The following PRKG1 variants were observed in gnomAD, a reference collection of about 807,000 sequenced individuals.
The protein encoded by PRKG1 is protein kinase cGMP-dependent 1.
A neutral mutation model predicts 88.1 loss-of-function variants in PRKG1; 35 were observed. That is an observed-to-expected ratio of 0.40 (90% CI 0.30 to 0.53). The LOEUF is 0.53. Ranked by LOEUF, PRKG1 falls within the 20% of genes least tolerant of loss-of-function variation. The pLI is 0.59. For synonymous variants in PRKG1, 303 were observed against 292.5 expected (o/e 1.04, Z -0.37); for missense variants, 540 against 839.8 (o/e 0.64, Z 4.41).
intron 5 of PRKG1, among the ~76,000 whole-genome samples, chr10:51,917,363 A>G (rs1236126141): frequency 6.6e-6 from 1 of 152,000 alleles, no homozygotes; most frequent in Non-Finnish European, 1.5e-5. Flanking sequence ...TTAGGGTGAT[A>G]AAAACATTCT....
chr10:51,806,710 A>G (rs1839316672), intron 4 of PRKG1, among the ~76,000 whole-genome samples: 2 of 152,120 alleles, frequency 1.3e-5, no homozygotes, highest in South Asian at 4.1e-4. Flanking sequence ...TAACTTTTTC[A>G]GTGGAGCACA....
intron 3 of PRKG1, among the ~76,000 whole-genome samples, chr10:51,551,150 G>A (rs1837119812): frequency 6.6e-6 from 1 of 151,742 alleles, no homozygotes; most frequent in Non-Finnish European, 1.5e-5. Flanking sequence ...CACATAATGG[G>A]TATTTAACTT....
chr10:51,625,425 T>C (rs535971926), intron 3 of PRKG1, among the ~76,000 whole-genome samples: 11 of 152,092 alleles, frequency 7.2e-5, no homozygotes, highest in Non-Finnish European at 1.3e-4. Flanking sequence ...TGCAGTGAGC[T>C]GAGACTGTGC....
At chr10:51,575,851 G>A (rs1837872418) in intron 3 of PRKG1, among the ~76,000 whole-genome samples, 1 of 151,790 alleles carries the variant, frequency 6.6e-6, no homozygotes, top group Middle Eastern at 3.4e-3. Flanking sequence ...AAAATAGATA[G>A]GTTGAAATTT....
chr10:52,183,596 G>A (rs1839103660), intron 9 of PRKG1, among the ~76,000 whole-genome samples: 1 of 152,168 alleles, frequency 6.6e-6, no homozygotes, highest in Admixed American at 6.5e-5. Flanking sequence ...TTGGGTTATG[G>A]CATTCAGCCA....
chr10:51,220,336 C>T (rs1291677734), intron 2 of PRKG1, among the ~76,000 whole-genome samples: 1 of 152,132 alleles, frequency 6.6e-6, no homozygotes, highest in East Asian at 1.9e-4. Context: ...CCTAAAGAAA[C>T]TAAGAGATTA....
chr10:51,249,940 T>A (rs1839387307), intron 2 of PRKG1, among the ~76,000 whole-genome samples: 1 of 151,870 alleles, frequency 6.6e-6, no homozygotes, highest in African/African-American at 2.4e-5. Context: ...AAGTAATATG[T>A]TAGATGATGC....
chr10:51,078,226 T>A (rs1397956968), intron 1 of PRKG1, among the ~76,000 whole-genome samples: 1 of 151,896 alleles, frequency 6.6e-6, no homozygotes, highest in Admixed American at 6.6e-5. Flanking sequence ...TTTTCCTTTG[T>A]TGTTGTTGTT....
intron 4 of PRKG1, among the ~76,000 whole-genome samples, chr10:51,864,868 T>C (rs1759763433): frequency 6.6e-6 from 1 of 152,202 alleles, no homozygotes; most frequent in Non-Finnish European, 1.5e-5. Context: ...TAAATCCCAA[T>C]ATTAAATATT....
At chr10:51,664,096 G>C (rs1036845292) in intron 3 of PRKG1, among the ~76,000 whole-genome samples, 2 of 151,956 alleles carry the variant, frequency 1.3e-5, no homozygotes, top group Non-Finnish European at 2.9e-5. Flanking sequence ...TACCCAGTGG[G>C]TTCATTTTGC....
At position 52,035,558 on chromosome 10, in the gene PRKG1, T is replaced by G. The variant is rs191031294; in HGVS notation, c.763-18926T>G. On this transcript the variant is annotated intron_variant, in intron 5 of 17. Transcript: ENST00000373980. ...GGTGAGGAAGAGGAAAGAAGGAAAT[T>G]TGGGGAAATGGGGTGAATGTCAGAT... Among the ~76,000 whole-genome samples, 202 of 151,658 alleles carry G rather than the reference T, an allele frequency of 1.3e-3. 2 individuals carry two copies. The highest frequency in any genetic ancestry group is 4.0e-3 in the African/African-American group (164 of 41,318).
intron 3 of PRKG1, among the ~76,000 whole-genome samples, chr10:51,547,541 T>C (rs1170918326): frequency 1.3e-5 from 2 of 152,138 alleles, no homozygotes; most frequent in Non-Finnish European, 2.9e-5. Flanking sequence ...TATAGGACAC[T>C]GAAAGTTCTC....
intron 3 of PRKG1, among the ~76,000 whole-genome samples, chr10:51,764,834 C>A (rs1009492424): frequency 1.3e-5 from 2 of 152,148 alleles, no homozygotes; most frequent in African/African-American, 4.8e-5. Flanking sequence ...CACAAGGGAG[C>A]AGCCTTCAAG....
chr10:52,203,389 T>A (rs576127075), intron 9 of PRKG1, among the ~76,000 whole-genome samples: 1 of 152,364 alleles, frequency 6.6e-6, no homozygotes, highest in East Asian at 1.9e-4. Context: ...GTGGTGGATA[T>A]AATTTCATTT....
At chr10:51,281,606 C>A (rs1840299546) in intron 2 of PRKG1, among the ~76,000 whole-genome samples, 1 of 152,196 alleles carries the variant, frequency 6.6e-6, no homozygotes, top group South Asian at 2.1e-4. Context: ...CTGCCTTCCT[C>A]TGTAGACTCC....
At chr10:51,328,017 C>T (rs973911793) in intron 2 of PRKG1, among the ~76,000 whole-genome samples, 3 of 152,096 alleles carry the variant, frequency 2.0e-5, no homozygotes, top group Non-Finnish European at 1.5e-5. Flanking sequence ...TTCAAGAACA[C>T]GGGAATATTA....
chr10:52,158,029 G>T (rs1467637204), intron 8 of PRKG1, among the ~76,000 whole-genome samples: 1 of 151,602 alleles, frequency 6.6e-6, no homozygotes, highest in Admixed American at 6.6e-5. Context: ...CATGCATAAA[G>T]GTTTGCTGTG....
chr10:52,200,531 T>C (rs1426289984), intron 9 of PRKG1, among the ~76,000 whole-genome samples: 1 of 152,226 alleles, frequency 6.6e-6, no homozygotes, highest in African/African-American at 2.4e-5. Context: ...TGTGTGCATA[T>C]GTCTTTATGG....
intron 17 of PRKG1, among the ~76,000 whole-genome samples, chr10:52,291,192 G>C (rs1842233167): frequency 6.6e-6 from 1 of 151,756 alleles, no homozygotes; most frequent in Non-Finnish European, 1.5e-5. Context: ...CAAGGGTTGG[G>C]ATTACAGACG....
Sources: allele counts gnomAD v4.1 joint callset (sites outside exome capture counted in the v4.1 genomes callset), GRCh38; gene constraint gnomAD v4.1.1; transcripts MANE v1.5; gene names NCBI Gene and HGNC (gene_info 2026-07-23, HGNC 2026-07-21).